Variants in RPS6KA5 observed in about 807,000 individuals in gnomAD.
RPS6KA5 encodes ribosomal protein S6 kinase alpha-5.
A neutral mutation model predicts 85.5 loss-of-function variants in RPS6KA5; 27 were observed. The ratio of observed to expected loss-of-function variants is 0.32; its 90% confidence interval spans 0.23 to 0.44. RPS6KA5 has a LOEUF of 0.44. Among genes scored for constraint, RPS6KA5 ranks in the 20% least tolerant of loss-of-function variants. The pLI is 1.00. For synonymous variants in RPS6KA5, 334 were observed against 348.2 expected, an observed-to-expected ratio of 0.96 and a Z score of 0.46; for missense variants, 811 against 980.9, an observed-to-expected ratio of 0.83 and a Z score of 2.31.
Position 90,878,119 on chromosome 14 carries a change from A to G in RPS6KA5, c.1837-2759T>C, listed in dbSNP as rs1444043515. Reference sequence around the variant, plus strand: ...TCACTTTGTGGGGTAACTCAATACAACTGTCCACATTGCTAAACCATGAGC... The same window carrying G: ...TCACTTTGTGGGGTAACTCAATACAGCTGTCCACATTGCTAAACCATGAGC... On this transcript the variant is annotated intron_variant, in intron 14 of 16. Transcript: ENST00000614987. Among the ~76,000 whole-genome samples, 5 of 152,330 alleles carry G rather than the reference A, an allele frequency of 3.3e-5. No homozygotes were observed. In the East Asian group the frequency reaches 9.6e-4, roughly 29 times the overall value.
intron 7 of RPS6KA5, among the ~76,000 whole-genome samples, chr14:90,917,857 T>C (rs1192505699): frequency 6.6e-6 from 1 of 152,178 alleles, no homozygotes; most frequent in African/African-American, 2.4e-5. Flanking sequence ...ACTGCACATG[T>C]CTTAGATAAA....
intron 14 of RPS6KA5, among the ~76,000 whole-genome samples, chr14:90,887,945 CAAAAAAA>C (rs34947711): frequency 1.7e-3 from 72 of 42,758 alleles, no homozygotes; most frequent in South Asian, 7.2e-3. Flanking sequence ...GAGGCTATCG[CAAAAAAA>C]AAAAAAAAAA....
chr14:90,981,824 G>A (rs1008741434), intron 2 of RPS6KA5, among the ~76,000 whole-genome samples: 2 of 152,202 alleles, frequency 1.3e-5, no homozygotes, highest in Non-Finnish European at 2.9e-5. Flanking sequence ...CAAACAATAA[G>A]TATTTCAGAT....
chr14:90,957,644 T>C (rs1397708967), intron 3 of RPS6KA5, among the ~76,000 whole-genome samples: 1 of 152,184 alleles, frequency 6.6e-6, no homozygotes, highest in African/African-American at 2.4e-5. Context: ...TACTCCATGG[T>C]CTAGTCCAAT....
At chr14:90,993,933 G>A (rs544030667) in intron 2 of RPS6KA5, among the ~76,000 whole-genome samples, 1 of 151,308 alleles carries the variant, frequency 6.6e-6, no homozygotes, top group Admixed American at 6.6e-5. Flanking sequence ...AGACAACCCA[G>A]GCTGGAGTGT....
intron 1 of RPS6KA5, among the ~76,000 whole-genome samples, chr14:91,032,541 A>G (rs1375014005): frequency 1.3e-5 from 2 of 152,130 alleles, no homozygotes; most frequent in African/African-American, 4.8e-5. Flanking sequence ...ATACCTAACT[A>G]TGCACTACAG....
chr14:90,926,213 T>C (rs2036659070), intron 5 of RPS6KA5, among the ~76,000 whole-genome samples: 1 of 151,976 alleles, frequency 6.6e-6, no homozygotes, highest in African/African-American at 2.4e-5. Context: ...GAGAACAGCC[T>C]GGCCAACATA....
At chr14:90,880,894 C>T (rs1218487436) in intron 14 of RPS6KA5, among the ~76,000 whole-genome samples, 2 of 147,184 alleles carry the variant, frequency 1.4e-5, no homozygotes, top group Non-Finnish European at 3.0e-5. Flanking sequence ...AGTACAGTGG[C>T]GTAATCACGA....
chr14:90,898,799 G>C (rs956084891), intron 12 of RPS6KA5, among the ~76,000 whole-genome samples: 7 of 152,198 alleles, frequency 4.6e-5, no homozygotes, highest in Admixed American at 2.0e-4. Context: ...GCAGAAGAGG[G>C]GGCAGCATGA....
In RPS6KA5 at chr14:90,902,911, A is replaced by G; in HGVS notation, c.1016T>C (p.Ile339Thr). The G allele has an allele frequency of 1.2e-6, 2 of 1,614,114 alleles. No individual in the cohort carries two copies. The highest frequency in any genetic ancestry group is 1.7e-6 in the Non-Finnish European group (2 of 1,180,008). The change falls in exon 9 of 17, where the codon ATT becomes ACT. Residue 339 changes from isoleucine to threonine, a missense_variant. By Grantham distance (89) the Ile-to-Thr change is moderately conservative (BLOSUM62 -1). Around this residue, in one of 3 missense-constraint regions of RPS6KA5, gnomAD observed 650 missense variants for 793.4 expected, o/e 0.82. Transcript: ENST00000614987. ...GTTACTCACATCTAATTCATCTCGA[A>G]TGACTGGCTTAAATGGTGCAGGCAC... is the stretch of plus-strand genomic sequence containing the variant. ...KKVPAPFKPVIRDELDVSNFA... is the reference protein window; with the variant it reads ...KKVPAPFKPVTRDELDVSNFA...
chr14:91,060,388 G>A lies in RPS6KA5; in HGVS notation c.47C>T (p.Ala16Val). ...GSSGGAAGTS[A>V]DGGDGGEQLL... ...CTGCTCTCCTCCGTCGCCGCCGTCC[G>A]CGCTGGTCCCCGCGGCGCCGCCGCT... is the stretch of plus-strand genomic sequence containing the variant. The change falls in exon 1 of 17, where the codon GCG becomes GTG. Residue 16 changes from alanine to valine, a missense_variant. Around this residue, in one of 3 missense-constraint regions of RPS6KA5, gnomAD observed 113 missense variants for 100.0 expected, o/e 1.13. Coordinates refer to ENST00000614987, the MANE Select transcript of RPS6KA5 (RefSeq NM_004755.4). The A allele has an allele frequency of 1.3e-6, 2 of 1,508,956 alleles. No individual in the cohort carries two copies. Among genetic ancestry groups the A allele is most frequent in the Non-Finnish European group, 1.8e-6 (2 of 1,123,140 alleles). 93.5% of individuals were successfully genotyped at this position (1,508,956 alleles called of 1,614,324 possible).
At chr14:91,002,567 A>G (rs955746922) in intron 1 of RPS6KA5, among the ~76,000 whole-genome samples, 3 of 152,116 alleles carry the variant, frequency 2.0e-5, no homozygotes. Context: ...TCAACTAACA[A>G]CTTTTAGAAT....
At chr14:90,961,166 T>C (rs1350461708) in intron 3 of RPS6KA5, among the ~76,000 whole-genome samples, 3 of 152,244 alleles carry the variant, frequency 2.0e-5, no homozygotes, top group Non-Finnish European at 4.4e-5. Flanking sequence ...ACTTCTTTCA[T>C]GCCTGTTCTA....
intron 1 of RPS6KA5, among the ~76,000 whole-genome samples, chr14:91,057,524 GT>G (rs2043372769): frequency 6.6e-6 from 1 of 152,000 alleles, no homozygotes; most frequent in Non-Finnish European, 1.5e-5. Flanking sequence ...GACTATTATA[GT>G]ACCGTGTGTT....
Position 90,851,107 on chromosome 14 carries a change from G to A in RPS6KA5, c.*20967C>T, listed in dbSNP as rs6575162. On this transcript the variant is annotated 3_prime_UTR_variant, in exon 17 of 17. Transcript: ENST00000614987. ...GGCTGGAGTGCAGTGGCGTGATCTC[G>A]GCTCACTGCAAGCTCCGCCTCCCGG... 0.1 allele frequency: 15,330 copies of A among 151,790 alleles called. 1,850 individuals are homozygous for A. Among genetic ancestry groups the A allele is most frequent in the African/African-American group, 0.3 (12,212 of 41,324 alleles). 9.4% of individuals were successfully genotyped at this position (151,790 alleles called of 1,614,324 possible).
chr14:90,920,313 T>G lies in RPS6KA5; in HGVS notation c.703-4A>C, dbSNP rs768785029. 9 of 1,538,278 alleles carry G rather than the reference T, an allele frequency of 5.9e-6. No individual in the cohort carries two copies. Among genetic ancestry groups the G allele is most frequent in the Admixed American group, 1.7e-5 (1 of 57,770 alleles). On this transcript the variant is annotated splice_polypyrimidine_tract_variant and splice_region_variant and intron_variant, in intron 6 of 16. Transcript: ENST00000614987. Reference sequence around the variant, plus strand: ...CCAAACTCCACCAGTCAACTGCCTATAAAACAACAATAATTTCATTTTATA... The same window carrying G: ...CCAAACTCCACCAGTCAACTGCCTAGAAAACAACAATAATTTCATTTTATA...
intron 1 of RPS6KA5, among the ~76,000 whole-genome samples, chr14:91,050,620 G>C (rs993782739): frequency 6.6e-6 from 1 of 152,014 alleles, no homozygotes; most frequent in Non-Finnish European, 1.5e-5. Flanking sequence ...GTAGAGACAG[G>C]GTTTCACCAT....
chr14:90,920,101 T>A, intron 7 of RPS6KA5, 105 bp downstream of exon 7: 1 of 787,148 alleles, frequency 1.3e-6, no homozygotes, highest in South Asian at 1.4e-5. Context: ...CATCACTTTG[T>A]CTATCCTCAT....
At chr14:90,905,728 G>A (rs553765339) in intron 8 of RPS6KA5, among the ~76,000 whole-genome samples, 1 of 152,154 alleles carries the variant, frequency 6.6e-6, no homozygotes, top group Non-Finnish European at 1.5e-5. Context: ...AAGAGGAAGT[G>A]AAGAAATCAC....
Sources: allele counts gnomAD v4.1 joint callset (sites outside exome capture counted in the v4.1 genomes callset), GRCh38; gene constraint gnomAD v4.1.1; regional missense constraint gnomAD v4.1.1; transcripts MANE v1.5; gene names NCBI Gene and HGNC (gene_info 2026-07-23, HGNC 2026-07-21).